Variants in WNK1 observed in about 807,000 individuals in gnomAD.
WNK1 encodes WNK lysine deficient protein kinase 1.
WNK1 carries 38 observed loss-of-function variants against 222.8 expected under a neutral mutation model. The observed-to-expected ratio is 0.17, with a 90% confidence interval of 0.13 to 0.22. The LOEUF (loss-of-function observed/expected upper bound fraction) is 0.22. WNK1 is among the 10% of genes least tolerant of loss of function. The pLI, the probability that WNK1 is intolerant of heterozygous loss-of-function variation, is 1.00. For synonymous variants in WNK1, 1,090 were observed against 1,092.9 expected (o/e 1.00, Z 0.05); for missense variants, 2,348 against 2,918.4 (o/e 0.80, Z 4.50).
At chr12:845,553 A>G (rs554864090) in intron 4 of WNK1, among the ~76,000 whole-genome samples, 1 of 152,308 alleles carries the variant, frequency 6.6e-6, no homozygotes, top group South Asian at 2.1e-4. Flanking sequence ...TAGGCTCTGG[A>G]GTTGGATCTG....
intron 4 of WNK1, among the ~76,000 whole-genome samples, chr12:838,338 C>CTG (rs1949361365): frequency 6.6e-6 from 1 of 152,140 alleles, no homozygotes; most frequent in African/African-American, 2.4e-5. Context: ...TTTCCAATAG[C>CTG]TGTACCATAT....
intron 1 of WNK1, among the ~76,000 whole-genome samples, chr12:796,961 T>G (rs1282351185): frequency 6.6e-6 from 1 of 150,896 alleles, no homozygotes; most frequent in African/African-American, 2.4e-5. Flanking sequence ...TTAATCTCCT[T>G]ATTGTTATGT....
intron 22 of WNK1, among the ~76,000 whole-genome samples, chr12:891,841 T>C (rs963100435): frequency 6.6e-6 from 1 of 151,744 alleles, no homozygotes; most frequent in Non-Finnish European, 1.5e-5. Context: ...GAGACGAGGA[T>C]TGCCTGAGCC....
intron 26 of WNK1, chr12:907,593 C>G: frequency 5.5e-6 from 3 of 541,440 alleles, no homozygotes; most frequent in Non-Finnish European, 1.0e-5. Context: ...GAAAGAGGCC[C>G]CTGCCTGTGT....
chr12:758,818 C>T (rs1399455247), intron 1 of WNK1, among the ~76,000 whole-genome samples: 1 of 146,412 alleles, frequency 6.8e-6, no homozygotes, highest in African/African-American at 2.4e-5. Context: ...TTTCTCTTAC[C>T]TTTTTTCTGA....
At chr12:838,608 G>GT (rs1949384812) in intron 4 of WNK1, among the ~76,000 whole-genome samples, 1 of 147,462 alleles carries the variant, frequency 6.8e-6, no homozygotes, top group Non-Finnish European at 1.5e-5. Flanking sequence ...TAGAGACGAG[G>GT]TTTTGTCATG....
chr12:824,819 A>G (rs1948223294), intron 2 of WNK1, among the ~76,000 whole-genome samples: 2 of 152,174 alleles, frequency 1.3e-5, no homozygotes, highest in South Asian at 4.1e-4. Flanking sequence ...GGCAAAAGAA[A>G]CATACAGTGA....
chr12:876,164 C>G (rs1331261794), intron 9 of WNK1, among the ~76,000 whole-genome samples: 1 of 152,138 alleles, frequency 6.6e-6, no homozygotes, highest in Non-Finnish European at 1.5e-5. Flanking sequence ...AATCCTAGCA[C>G]TTTGGGAGGC....
chr12:866,795 A>T (rs1214098105), intron 8 of WNK1, among the ~76,000 whole-genome samples: 1 of 152,190 alleles, frequency 6.6e-6, no homozygotes, highest in Non-Finnish European at 1.5e-5. Flanking sequence ...TACCCTTTTC[A>T]GTTGATTAGA....
intron 1 of WNK1, among the ~76,000 whole-genome samples, chr12:799,347 C>T (rs1338069441): frequency 1.3e-5 from 2 of 151,488 alleles, no homozygotes; most frequent in African/African-American, 4.9e-5. Context: ...CCCAGGCTGC[C>T]CATGAACTCC....
In WNK1 at chr12:907,907, C is replaced by T. The variant is rs1234999175; in HGVS notation, c.6704C>T (p.Pro2235Leu). The T allele has an allele frequency of 5.6e-6, 9 of 1,614,060 alleles. No homozygotes were observed. In the Admixed American group the frequency reaches 1.5e-4, roughly 27 times the overall value. The change falls in exon 27 of 28, where the codon CCT becomes CTT. Residue 2235 changes from proline to leucine, a missense_variant. Pro to Leu is a moderately conservative substitution (Grantham distance 98). This residue lies in a region of WNK1 where 55 missense variants were observed against 104.1 expected (regional missense o/e 0.53). Transcript: ENST00000315939. ...AACAGCCAAGCCGCCCAAGCTCAGC[C>T]TCCTGCCATGACGTCCAGCAGGAAG... ...TVNSQAAQAQ[P>L]PAMTSSRKGT...
chr12:900,647 CAAG>C lies in WNK1; in HGVS notation c.6621_6623del (p.Ser2208del). 3.1e-6 allele frequency: 5 copies of C among 1,614,172 alleles called. No homozygotes were observed. The highest frequency in any genetic ancestry group is 4.2e-6 in the Non-Finnish European group (5 of 1,180,032). On this transcript the variant is annotated inframe_deletion, in exon 26 of 28. Transcript: ENST00000315939. ...ACCAGTGATGGTGCCATTTCAGTAC[CAAG>C]CCTTTCTGCTCCAGGTCAAGGTAAT...
chr12:776,412 T>TTGTGTGTTTGTGTGTGTG (rs1555082816), intron 1 of WNK1, among the ~76,000 whole-genome samples: 2 of 146,112 alleles, frequency 1.4e-5, no homozygotes, highest in African/African-American at 5.1e-5. Flanking sequence ...GTTTGTGTGT[T>TTGTGTGTTTGTGTGTGTG]TGTGTGTGTG....
At chr12:812,702 A>C (rs937458115) in intron 1 of WNK1, among the ~76,000 whole-genome samples, 3 of 152,232 alleles carry the variant, frequency 2.0e-5, no homozygotes, top group African/African-American at 7.2e-5. Flanking sequence ...ACAGGAAGGT[A>C]GATCAGAAAA....
At chr12:869,201 G>A in intron 8 of WNK1, 2 of 1,512,014 alleles carry the variant, frequency 1.3e-6, no homozygotes, top group Non-Finnish European at 1.8e-6. Flanking sequence ...ATGGATTTTG[G>A]AGAAATATTG....
At chr12:789,384 T>G (rs1235310136) in intron 1 of WNK1, among the ~76,000 whole-genome samples, 1 of 152,174 alleles carries the variant, frequency 6.6e-6, no homozygotes, top group Non-Finnish European at 1.5e-5. Context: ...AGAATAACTT[T>G]TACTTAGCAT....
chr12:756,490 A>G (rs1460844170), intron 1 of WNK1, among the ~76,000 whole-genome samples: 1 of 152,138 alleles, frequency 6.6e-6, no homozygotes, highest in Non-Finnish European at 1.5e-5. Flanking sequence ...ATTATTTTTG[A>G]GTCATTTCAG....
chr12:768,965 A>G (rs1271197096), intron 1 of WNK1, among the ~76,000 whole-genome samples: 2 of 151,772 alleles, frequency 1.3e-5, no homozygotes, highest in African/African-American at 4.8e-5. Context: ...ACGCACCACC[A>G]CACCCGGCTA....
Position 881,618 on chromosome 12 carries a change from A to G in WNK1, c.3112-74A>G, listed in dbSNP as rs1320106669. The G allele has an allele frequency of 9.5e-6, 12 of 1,262,310 alleles. 1 individual carries two copies. Among genetic ancestry groups the G allele is most frequent in the South Asian group, 3.6e-5 (3 of 83,480 alleles). The allele number at this position is 1,262,310 out of a possible 1,614,324, so 78.2% of individuals were successfully genotyped here. A position where few individuals can be genotyped will look rare whatever the true frequency, so the allele number is the denominator to read the frequency against. The stretch of plus-strand genomic sequence containing the variant: ...GTAGTGGGGAGGGATAAGGAAAAAA[A>G]TAAGTAGATTATTGGGGATAGTGAA... On this transcript the variant is annotated intron_variant, in intron 12 of 27. Coordinates refer to ENST00000315939, the MANE Select transcript of WNK1 (RefSeq NM_018979.4).
Sources: gnomAD v4.1 joint callset for allele counts (sites outside exome capture counted in the v4.1 genomes callset) on GRCh38, gnomAD v4.1.1 for gene constraint, gnomAD v4.1.1 regional missense constraint, MANE v1.5 for transcripts, NCBI Gene and HGNC (gene_info 2026-07-23, HGNC 2026-07-21) for gene names.